NLRP4: variants seen among roughly 807,000 people sequenced by gnomAD.
NLRP4 encodes the protein NACHT, LRR and PYD domains-containing protein 4.
A neutral mutation model predicts 84.7 loss-of-function variants in NLRP4; 44 were observed. The observed-to-expected ratio is 0.52, with a 90% confidence interval of 0.41 to 0.67. NLRP4 has a LOEUF of 0.67. Ranked by LOEUF, NLRP4 falls within the 30% of genes least tolerant of loss-of-function variation. NLRP4 has a pLI of 0.00. For missense variants in NLRP4, 1,260 were observed against 1,219.4 expected, an observed-to-expected ratio of 1.03 and a Z score of -0.50; for synonymous variants, 544 against 476.4, an observed-to-expected ratio of 1.14 and a Z score of -1.85.
chr19:55,871,484 G>T (rs985770266), intron 7 of NLRP4, among the ~76,000 whole-genome samples: 1 of 152,174 alleles, frequency 6.6e-6, no homozygotes, highest in Non-Finnish European at 1.5e-5. Context: ...ATGGTGAAAA[G>T]ACTTAATTTC....
chr19:55,850,107 TACCG>T (rs1984006723), intron 1 of NLRP4, among the ~76,000 whole-genome samples: 2 of 131,266 alleles, frequency 1.5e-5, no homozygotes, highest in East Asian at 2.2e-4. Context: ...GCGGTGTAAT[TACCG>T]TAGCTGCGGT....
Position 55,877,141 on chromosome 19 carries a change from A to T in NLRP4, c.2671A>T (p.Thr891Ser). ...GCTGTTGTGTCGGGCTCTGACGCAT[A>T]CGGATTGCCGCTTAGAGATTCTTGG... ...VQLLCRALTH[T>S]DCRLEILGLE... Residue 891 changes from threonine (T) to serine (S), a missense_variant, in exon 8 of 10, where the codon ACG (threonine) becomes TCG (serine). This residue lies in a region of NLRP4 where 544 missense variants were observed against 531.7 expected (regional missense o/e 1.02). Transcript: ENST00000301295. The T allele has an allele frequency of 6.2e-7, 1 of 1,613,996 alleles. No homozygotes were observed. The highest frequency in any genetic ancestry group is 8.5e-7 in the Non-Finnish European group (1 of 1,179,884).
chr19:55,839,740 T>C (rs1983536157), intron 1 of NLRP4, among the ~76,000 whole-genome samples: 1 of 152,304 alleles, frequency 6.6e-6, no homozygotes, highest in African/African-American at 2.4e-5. Flanking sequence ...CAGAGTCTTG[T>C]ATTTTAATTT....
At chr19:55,836,968 C>T (rs1473064649) in intron 1 of NLRP4, 34 bp downstream of exon 1, 1 of 152,102 alleles carries the variant, frequency 6.6e-6, no homozygotes. Flanking sequence ...AAGGTGGGAC[C>T]CAAGCCCTCT....
Position 55,845,815 on chromosome 19 carries a change from T to C in NLRP4, c.-65-6201T>C, listed in dbSNP as rs940683292. Among the ~76,000 whole-genome samples the C allele has an allele frequency of 4.8e-5, 7 of 146,436 alleles. 1 individual carries two copies. Among genetic ancestry groups the C allele is most frequent in the African/African-American group, 1.9e-4 (7 of 36,864 alleles). On this transcript the variant is annotated intron_variant, in intron 1 of 9. Coordinates refer to ENST00000301295, the MANE Select transcript of NLRP4 (RefSeq NM_134444.5). ...TTTTTTCATGTGTTTTTTGGCTGCA[T>C]AAATGTCTTCTTTTGAGAAGTGTCT...
intron 7 of NLRP4, 150 bp from the exon 8 acceptor site, chr19:55,876,846 C>T: frequency 1.7e-6 from 1 of 596,692 alleles, no homozygotes; most frequent in Non-Finnish European, 3.0e-6. Flanking sequence ...TCAATAATTT[C>T]AATCTGCCAC....
At chr19:55,874,080 G>C (rs567675886) in intron 7 of NLRP4, among the ~76,000 whole-genome samples, 37 of 152,080 alleles carry the variant, frequency 2.4e-4, no homozygotes, top group Admixed American at 2.4e-3. Context: ...CCTGCAGGGT[G>C]GTTCTTGGAA....
intron 5 of NLRP4, among the ~76,000 whole-genome samples, chr19:55,864,052 T>A (rs1054745464): frequency 1.1e-4 from 17 of 152,216 alleles, no homozygotes; most frequent in African/African-American, 3.9e-4. Flanking sequence ...CATATACTTT[T>A]AAAGTATGTA....
rs997189527 is a variant in NLRP4, at chr19:55,877,292, C to T, written c.2696+126C>T. ...CAGCTAGCTGTGGTTGCATCATGAACCAGTGTAAAACTTCAGGGCTTAAGG... is the reference window on the plus strand; with the variant it reads ...CAGCTAGCTGTGGTTGCATCATGAATCAGTGTAAAACTTCAGGGCTTAAGG... On this transcript the variant is annotated intron_variant, in intron 8 of 9. Coordinates refer to ENST00000301295, the MANE Select transcript of NLRP4 (RefSeq NM_134444.5). The T allele has an allele frequency of 6.8e-6, 6 of 880,552 alleles. No homozygotes were observed. In the Admixed American group the frequency reaches 1.4e-4, roughly 20 times the overall value. 54.5% of individuals were successfully genotyped at this position (880,552 alleles called of 1,614,324 possible). A position where few individuals can be genotyped will look rare whatever the true frequency, so the allele number is the denominator to read the frequency against.
At chr19:55,851,512 T>A (rs112352056) in intron 1 of NLRP4, among the ~76,000 whole-genome samples, 8 of 524 alleles carry the variant, frequency 0.015, 1 homozygote, top group Non-Finnish European at 0.026. Flanking sequence ...GTAATGTCCG[T>A]GGCTGCGGTG....
chr19:55,857,040 T>C (rs1405769563), intron 2 of NLRP4, among the ~76,000 whole-genome samples: 1 of 152,194 alleles, frequency 6.6e-6, no homozygotes, highest in Non-Finnish European at 1.5e-5. Context: ...TTTATGCAAA[T>C]TGAGTACATG....
rs1985600845 is a variant in NLRP4, at chr19:55,881,724, T to C, written c.*137T>C. On this transcript the variant is annotated 3_prime_UTR_variant, in exon 10 of 10. Transcript: ENST00000301295. ...AGATTTCTGGCACCCCATTCATAGA[T>C]TTGATATGATACACGTGGTTTTTAT... The C allele has an allele frequency of 1.8e-6, 1 of 552,944 alleles. No homozygotes were observed. The highest frequency in any genetic ancestry group is 2.9e-5 in the East Asian group (1 of 34,298). The allele number at this position is 552,944 out of a possible 1,614,324, so 34.3% of individuals were successfully genotyped here.
chr19:55,857,833 A>T lies in NLRP4; in HGVS notation c.440A>T (p.Gln147Leu). The change falls in exon 3 of 10, where the codon CAG becomes CTG. Residue 147 changes from glutamine (Q) to leucine (L), a missense_variant. Around this residue, in one of 3 missense-constraint regions of NLRP4, gnomAD observed 712 missense variants for 669.2 expected, o/e 1.06. Transcript: ENST00000301295. ...TTTGCTCCCAAGGAAGCTGGGAAAC[A>T]GCCACGTACAGTGATCATTCAAGGA... is the stretch of plus-strand genomic sequence containing the variant. ...RLFAPKEAGK[Q>L]PRTVIIQGPQ... 1 of 1,614,092 alleles carries T rather than the reference A, an allele frequency of 6.2e-7. No homozygotes were observed. The highest frequency in any genetic ancestry group is 8.5e-7 in the Non-Finnish European group (1 of 1,179,938).
Position 55,864,698 on chromosome 19 carries a change from C to T in NLRP4, c.2186+2539C>T, listed in dbSNP as rs148502040. Among the ~76,000 whole-genome samples the T allele has an allele frequency of 2.4e-3, 365 of 151,104 alleles. 4 individuals carry two copies. The highest frequency in any genetic ancestry group is 4.3e-3 in the Non-Finnish European group (289 of 67,710). On this transcript the variant is annotated intron_variant, in intron 5 of 9. Transcript: ENST00000301295. ...CAGCAATGTATGAGAGTTCTAATTT[C>T]TCCACATCTTTGCTTATTTTTTACT...
At position 55,852,395 on chromosome 19, in the gene NLRP4, A is replaced by G; in HGVS notation, c.280+35A>G. On this transcript the variant is annotated intron_variant, in intron 2 of 9. Coordinates refer to ENST00000301295, the MANE Select transcript of NLRP4 (RefSeq NM_134444.5). ...TCTGGGAAGGGGGAAGCCTTCTTAT[A>G]ATGAGGACTATGTCCTAATTTTGGT... The G allele has an allele frequency of 1.4e-6, 2 of 1,467,482 alleles. 1 individual carries two copies. Among genetic ancestry groups the G allele is most frequent in the Middle Eastern group, 3.8e-4 (2 of 5,216 alleles). The allele number at this position is 1,467,482 out of a possible 1,614,324, so 90.9% of individuals were successfully genotyped here.
chr19:55,865,231 A>C (rs936944848), intron 5 of NLRP4, among the ~76,000 whole-genome samples: 4 of 152,222 alleles, frequency 2.6e-5, no homozygotes, highest in Admixed American at 1.3e-4. Context: ...AAGTGAGAAC[A>C]TGTGATATTT....
In NLRP4 at chr19:55,862,159, CG is replaced by C; in HGVS notation, c.2186+1del. ...CCAGCAGGCAACGTCAAAGAGCTAG[CG>C]TAAGTCTCCGTTTATTGAGACCACT... On this transcript the variant is annotated splice_donor_variant, in intron 5 of 9. Transcript: ENST00000301295. LOFTEE classifies it high-confidence loss of function. 1 of 1,609,904 alleles carries C rather than the reference CG, an allele frequency of 6.2e-7. No homozygotes were observed. Among genetic ancestry groups the C allele is most frequent in the Non-Finnish European group, 8.5e-7 (1 of 1,176,932 alleles).
intron 6 of NLRP4, among the ~76,000 whole-genome samples, chr19:55,870,401 C>T (rs1041809309): frequency 1.4e-4 from 21 of 152,198 alleles, no homozygotes; most frequent in African/African-American, 4.1e-4. Flanking sequence ...GTGGCTCACG[C>T]CTTGTAATCC....
intron 1 of NLRP4, among the ~76,000 whole-genome samples, chr19:55,848,718 AAAG>A (rs1047173272): frequency 6.6e-6 from 1 of 152,134 alleles, no homozygotes; most frequent in Non-Finnish European, 1.5e-5. Flanking sequence ...TATTCTTTAA[AAAG>A]AAGTCTCTAT....
Sources: gnomAD v4.1 joint callset for allele counts (sites outside exome capture counted in the v4.1 genomes callset) on GRCh38, gnomAD v4.1.1 for gene constraint, gnomAD v4.1.1 regional missense constraint, MANE v1.5 for transcripts, NCBI Gene and HGNC (gene_info 2026-07-23, HGNC 2026-07-21) for gene names.